POLE: variants seen among roughly 807,000 people sequenced by gnomAD.
POLE encodes DNA polymerase epsilon catalytic subunit A.
POLE carries 188 observed loss-of-function variants against 279.2 expected under a neutral mutation model. That is an observed-to-expected ratio of 0.67 (90% CI 0.60 to 0.76). The LOEUF (loss-of-function observed/expected upper bound fraction) is 0.76, where lower values mean the gene tolerates loss of function less well. POLE is among the 30% of genes least tolerant of loss of function. The pLI, the probability that POLE is intolerant of heterozygous loss-of-function variation, is 0.00. For synonymous variants in POLE, 1,214 were observed against 1,172.5 expected (o/e 1.04, Z -0.72); for missense variants, 2,703 against 3,016.7 (o/e 0.90, Z 2.44).
intron 29 of POLE, among the ~76,000 whole-genome samples, chr12:132,654,246 T>TC (rs947798518): frequency 6.6e-6 from 1 of 152,068 alleles, no homozygotes; most frequent in Non-Finnish European, 1.5e-5. Context: ...CTTTTTTTTT[T>TC]CTTTTTGTGG....
At position 132,643,903 on chromosome 12, in the gene POLE, C is replaced by A. The variant is rs1565940444; in HGVS notation, c.4224G>T (p.Gln1408His). 6.2e-7 allele frequency: 1 copy of A among 1,614,142 alleles called. No individual in the cohort carries two copies. Reference sequence around the variant, plus strand: ...CAGCGTTGATCTCGTTGATGTGTTCCTGGTACATGTCCTCTGGCACTGAAT... The same window carrying A: ...CAGCGTTGATCTCGTTGATGTGTTCATGGTACATGTCCTCTGGCACTGAAT... ...YEYSVPEDMY[Q>H]EHINEINAEL... The change falls in exon 33 of 49, where the codon CAG becomes CAT. Residue 1408 changes from glutamine to histidine, a missense_variant. Transcript: ENST00000320574.
rs368375403 is a variant in POLE at position 132,624,434 on chromosome 12, C to A, written c.*263G>T. The A allele has an allele frequency of 1.8e-6, 1 of 555,162 alleles. No homozygotes were observed. 34.4% of individuals were successfully genotyped at this position (555,162 alleles called of 1,614,324 possible). A position where few individuals can be genotyped will look rare whatever the true frequency, so the allele number is the denominator to read the frequency against. The stretch of plus-strand genomic sequence containing the variant: ...AGCATTCACTGCGTGAGAAACGGCG[C>A]CCAGGGCACTCGCAGCCTCGCTCAC... On this transcript the variant is annotated 3_prime_UTR_variant, in exon 49 of 49. Coordinates refer to ENST00000320574, the MANE Select transcript of POLE (RefSeq NM_006231.4).
intron 31 of POLE, 34 bp from the exon 32 acceptor site, chr12:132,649,106 G>A (rs887732057): frequency 6.3e-7 from 1 of 1,598,242 alleles, no homozygotes; most frequent in Non-Finnish European, 8.5e-7. Flanking sequence ...GCACATCACA[G>A]GACACACTGG....
At chr12:132,648,500 TAAAAAAAAGA>T (rs2042338845) in intron 32 of POLE, 1 of 151,160 alleles carries the variant, frequency 6.6e-6, no homozygotes, top group Non-Finnish European at 1.4e-5. Context: ...AAAGTAAAAT[TAAAAAAAAGA>T]AAAAAAAAGA....
At chr12:132,641,875 AGCCAGCATCCT>A (rs2042152744) in intron 38 of POLE, 24 bp from the exon 39 acceptor site, 1 of 1,596,414 alleles carries the variant, frequency 6.3e-7, no homozygotes, top group African/African-American at 1.3e-5. Flanking sequence ...CGCCATGCTC[AGCCAGCATCCT>A]GCCAGCTCCA....
chr12:132,660,933 C>A (rs2138687773), intron 25 of POLE, 36 bp downstream of exon 25: 1 of 1,521,396 alleles, frequency 6.6e-7, no homozygotes, highest in South Asian at 1.3e-5. Flanking sequence ...ATCCTTCATC[C>A]CTCAGAGCAG....
At chr12:132,667,102 G>C (rs1555227001) in intron 20 of POLE, among the ~76,000 whole-genome samples, 1 of 152,114 alleles carries the variant, frequency 6.6e-6, no homozygotes, top group Non-Finnish European at 1.5e-5. Context: ...AAACACGAGG[G>C]GCCGGATGGT....
At chr12:132,657,482 T>A in intron 27 of POLE, 53 bp from the exon 28 acceptor site, 1 of 1,452,086 alleles carries the variant, frequency 6.9e-7, no homozygotes, top group Non-Finnish European at 9.7e-7. Flanking sequence ...CAGCCAAGAG[T>A]GGGGCTCACT....
In POLE at chr12:132,685,563, C is replaced by T. The variant is rs561483797; in HGVS notation, c.62+1691G>A. On this transcript the variant is annotated intron_variant, in intron 1 of 48. Transcript: ENST00000320574. ...AAAGCATGTAAGGTAAAAGCCATCA[C>T]TTGTACTTATCCCAGCAGCAGCCTT... Among the ~76,000 whole-genome samples, 7 of 152,376 alleles carry T rather than the reference C, an allele frequency of 4.6e-5. No homozygotes were observed. In the East Asian group the frequency reaches 1.3e-3, roughly 29 times the overall value.
chr12:132,649,879 G>T lies in POLE; in HGVS notation c.3593C>A (p.Ala1198Asp), dbSNP rs1024652254. 1 of 1,613,744 alleles carries T rather than the reference G, an allele frequency of 6.2e-7. No homozygotes were observed. The highest frequency in any genetic ancestry group is 1.3e-5 in the African/African-American group (1 of 75,044). ...TLEGRRQVTM[A>D]EASEDSPRPS... Reference sequence around the variant, plus strand: ...CCTCGGACTGTCTTCTGAGGCCTCGGCCATCGTGACCTGGAAAGACCCAGT... The same window carrying T: ...CCTCGGACTGTCTTCTGAGGCCTCGTCCATCGTGACCTGGAAAGACCCAGT... The change falls in exon 30 of 49, where the codon GCC (alanine) becomes GAC (aspartate). Residue 1198 changes from alanine (A) to aspartate (D), a missense_variant. This residue lies in a region of POLE where 1,551 missense variants were observed against 1,686.1 expected (regional missense o/e 0.92). Coordinates refer to ENST00000320574, the MANE Select transcript of POLE (RefSeq NM_006231.4).
intron 16 of POLE, among the ~76,000 whole-genome samples, chr12:132,670,453 T>A (rs527811071): frequency 6.6e-6 from 1 of 150,718 alleles, no homozygotes; most frequent in South Asian, 2.1e-4. Flanking sequence ...TTCTCCATGT[T>A]GGCCAGGCTG....
intron 29 of POLE, among the ~76,000 whole-genome samples, 190 bp from the exon 30 acceptor site, chr12:132,650,079 G>A (rs1257837741): frequency 1.3e-5 from 2 of 152,110 alleles, no homozygotes; most frequent in African/African-American, 4.8e-5. Flanking sequence ...GCGTGGTAGT[G>A]CGCCTGTAGT....
intron 29 of POLE, 138 bp from the exon 30 acceptor site, chr12:132,650,027 A>G: frequency 3.0e-6 from 2 of 676,756 alleles, no homozygotes; most frequent in South Asian, 1.9e-5. Context: ...CCTGGGTAAC[A>G]GCAAGACCCT....
intron 23 of POLE, among the ~76,000 whole-genome samples, chr12:132,663,675 C>T (rs546071168): frequency 1.3e-5 from 2 of 152,298 alleles, no homozygotes; most frequent in East Asian, 3.9e-4. Flanking sequence ...TTTTGACAAG[C>T]GCACCATGGT....
At position 132,668,447 on chromosome 12, in the gene POLE, C is replaced by A. The variant is rs1463185462; in HGVS notation, c.2082G>T (p.Lys694Asn). The change falls in exon 19 of 49, where the codon AAG (lysine) becomes AAT (asparagine). Residue 694 changes from lysine to asparagine, a missense_variant. Lys to Asn is a moderately conservative substitution (Grantham distance 94). Transcript: ENST00000320574. The surrounding 1 kb of genome is among the most constrained non-coding windows in gnomAD (Gnocchi z 4.0). The part of the protein sequence containing the change: ...HRIQHQLESE[K>N]FPPLFPEGPA... The stretch of plus-strand genomic sequence containing the variant: ...GCCCCTCTGGGAACAAGGGGGGGAA[C>A]TTCTCTGACTCCAGCTGGTGCTGGA... 3 of 1,612,662 alleles carry A rather than the reference C, an allele frequency of 1.9e-6. No individual in the cohort carries two copies. In the Admixed American group the frequency reaches 5.0e-5, roughly 27 times the overall value.
At chr12:132,627,584 T>C (rs778004612) in intron 45 of POLE, among the ~76,000 whole-genome samples, 28 of 152,152 alleles carry the variant, frequency 1.8e-4, no homozygotes, top group Non-Finnish European at 3.2e-4. Context: ...CAGGTGTGAG[T>C]CACTCTACCC....
chr12:132,677,251 G>A (rs573446917), intron 8 of POLE, 112 bp downstream of exon 8: 252 of 789,156 alleles, frequency 3.2e-4, no homozygotes, highest in Non-Finnish European at 5.3e-4. Context: ...TAAAGTATTT[G>A]GGGGAAAAGC....
intron 29 of POLE, chr12:132,650,871 C>CTTTTTTTTTT (rs1565947784): frequency 1.5e-5 from 1 of 65,234 alleles, no homozygotes; most frequent in African/African-American, 4.9e-5. Flanking sequence ...CAACTTGTTT[C>CTTTTTTTTTT]CTTTTTTTTT....
Position 132,626,222 on chromosome 12 carries a change from G to A in POLE, c.6426C>T (p.Ala2142=). ...AGGAGCGGCAGGGGTCTCGGAACTG[G>A]GCCTCCTCGGAGAACTCGCCGACAT... ...LVDVGEFSEE[A]QFRDPCRSYV... is the part of the protein sequence containing the mutation. Residue 2142 remains alanine (A), a synonymous_variant, in exon 46 of 49, where the codon GCC becomes GCT. Coordinates refer to ENST00000320574, the MANE Select transcript of POLE (RefSeq NM_006231.4). 1.9e-6 allele frequency: 3 copies of A among 1,613,870 alleles called. No individual in the cohort carries two copies. In the East Asian group the frequency reaches 6.7e-5, roughly 36 times the overall value.
Sources: gnomAD v4.1 joint callset for allele counts (sites outside exome capture counted in the v4.1 genomes callset) on GRCh38, gnomAD v4.1.1 for gene constraint, gnomAD v4.1.1 regional missense constraint, Gnocchi (gnomAD v3.1) non-coding constraint, MANE v1.5 for transcripts, NCBI Gene and HGNC (gene_info 2026-07-23, HGNC 2026-07-21) for gene names.